Variants in CMIP observed in about 807,000 individuals in gnomAD.
The protein encoded by CMIP is C-Maf-inducing protein.
A neutral mutation model predicts 97.3 loss-of-function variants in CMIP; 13 were observed. That is an observed-to-expected ratio of 0.13 (90% confidence interval 0.09 to 0.21). The LOEUF (loss-of-function observed/expected upper bound fraction) is 0.21, where lower values mean the gene tolerates loss of function less well. CMIP is among the 10% of genes least tolerant of loss of function. The pLI is 1.00. For synonymous variants in CMIP, 538 were observed against 436.3 expected (o/e 1.23, Z -2.91); for missense variants, 847 against 1,024.9 (o/e 0.83, Z 2.37).
chr16:81,446,117 C>G (rs544602616), intron 1 of CMIP, among the ~76,000 whole-genome samples: 1 of 152,114 alleles, frequency 6.6e-6, no homozygotes, highest in Non-Finnish European at 1.5e-5. Flanking sequence ...CTGAAAATCT[C>G]ATTCGCACAT....
chr16:81,709,598 C>T (rs1465230095), intron 20 of CMIP, 148 bp from the exon 21 acceptor site: 2 of 799,910 alleles, frequency 2.5e-6, no homozygotes, highest in South Asian at 1.7e-5. Context: ...AGGCCACCCA[C>T]CCCTCCAAGA....
chr16:81,692,276 A>T (rs1431945227), intron 11 of CMIP, among the ~76,000 whole-genome samples: 1 of 152,198 alleles, frequency 6.6e-6, no homozygotes, highest in Non-Finnish European at 1.5e-5. Context: ...GAGATGCTGG[A>T]AGCGCTCTAA....
intron 16 of CMIP, 92 bp downstream of exon 16, chr16:81,701,892 T>G (rs899756216): frequency 4.5e-5 from 67 of 1,486,684 alleles, no homozygotes; most frequent in Non-Finnish European, 4.9e-5. Flanking sequence ...TGGACCTGAG[T>G]GGACCTCAAT....
At chr16:81,484,373 G>A (rs193172399) in intron 1 of CMIP, among the ~76,000 whole-genome samples, 1 of 152,342 alleles carries the variant, frequency 6.6e-6, no homozygotes, top group East Asian at 1.9e-4. Context: ...GGCTCTGGCC[G>A]AGGTTTGGGA....
chr16:81,454,398 G>A (rs1183444032), intron 1 of CMIP, among the ~76,000 whole-genome samples: 2 of 152,156 alleles, frequency 1.3e-5, no homozygotes. Flanking sequence ...ATATGCACCT[G>A]GTAGATGCAC....
chr16:81,654,986 T>A (rs1022964987), intron 4 of CMIP, among the ~76,000 whole-genome samples: 3 of 152,196 alleles, frequency 2.0e-5, no homozygotes, highest in African/African-American at 7.2e-5. Context: ...CCAGTTGTTT[T>A]CTGTAAATTG....
At chr16:81,656,810 C>T (rs1324561280) in intron 4 of CMIP, among the ~76,000 whole-genome samples, 4 of 151,968 alleles carry the variant, frequency 2.6e-5, no homozygotes, top group African/African-American at 7.3e-5. Context: ...TTTGTAGAGA[C>T]GGGGTTTCAC....
chr16:81,671,732 C>G (rs888441501), intron 8 of CMIP, among the ~76,000 whole-genome samples: 1 of 152,202 alleles, frequency 6.6e-6, no homozygotes, highest in Non-Finnish European at 1.5e-5. Context: ...ACCCGGGAAC[C>G]CTGGATCCGG....
intron 1 of CMIP, among the ~76,000 whole-genome samples, chr16:81,606,758 G>C (rs1567606972): frequency 6.6e-6 from 1 of 152,126 alleles, no homozygotes; most frequent in Non-Finnish European, 1.5e-5. Flanking sequence ...AAATAAATAG[G>C]GTGTGGTGAG....
chr16:81,446,440 G>C (rs1185051338), intron 1 of CMIP, among the ~76,000 whole-genome samples: 1 of 151,994 alleles, frequency 6.6e-6, no homozygotes, highest in Non-Finnish European at 1.5e-5. Context: ...AGGGGAGAGT[G>C]GGGGTGGCGG....
intron 1 of CMIP, among the ~76,000 whole-genome samples, chr16:81,540,137 A>T (rs2090421466): frequency 6.6e-6 from 1 of 152,184 alleles, no homozygotes; most frequent in African/African-American, 2.4e-5. Context: ...ATCCATCCAA[A>T]CGGAAAGACG....
chr16:81,555,542 C>T (rs530858749), intron 1 of CMIP, among the ~76,000 whole-genome samples: 1 of 152,342 alleles, frequency 6.6e-6, no homozygotes, highest in East Asian at 1.9e-4. Flanking sequence ...CAGCTCAGCA[C>T]ATACACTGTC....
chr16:81,574,676 C>T (rs2091158208), intron 1 of CMIP, among the ~76,000 whole-genome samples: 1 of 152,172 alleles, frequency 6.6e-6, no homozygotes, highest in Admixed American at 6.5e-5. Context: ...TCTTCCACTT[C>T]TGAGTAGGTT....
chr16:81,593,721 C>G (rs2091501726), intron 1 of CMIP, among the ~76,000 whole-genome samples: 1 of 152,196 alleles, frequency 6.6e-6, no homozygotes, highest in South Asian at 2.1e-4. Flanking sequence ...CCTCGCCTCA[C>G]CCGGTGCCTG....
intron 3 of CMIP, among the ~76,000 whole-genome samples, chr16:81,632,966 G>C (rs1294900531): frequency 6.6e-6 from 1 of 152,126 alleles, no homozygotes; most frequent in South Asian, 2.1e-4. Flanking sequence ...AGTGGCGTTT[G>C]TGGGTTGTCA....
At chr16:81,685,230 C>G (rs1303101994) in intron 10 of CMIP, among the ~76,000 whole-genome samples, 1 of 152,216 alleles carries the variant, frequency 6.6e-6, no homozygotes, top group African/African-American at 2.4e-5. Flanking sequence ...ATGCACCCCT[C>G]TCGGTCTTGT....
At chr16:81,486,674 C>T (rs1450518636) in intron 1 of CMIP, among the ~76,000 whole-genome samples, 1 of 152,220 alleles carries the variant, frequency 6.6e-6, no homozygotes, top group African/African-American at 2.4e-5. Context: ...GAGCCAGACT[C>T]CCCAGGAACT....
chr16:81,607,156 G>C (rs898677722), intron 1 of CMIP, among the ~76,000 whole-genome samples: 2 of 152,238 alleles, frequency 1.3e-5, no homozygotes, highest in African/African-American at 4.8e-5. Flanking sequence ...GCCGAGTGGA[G>C]GATGCATATC....
chr16:81,465,100 T>C (rs1345357167), intron 1 of CMIP, among the ~76,000 whole-genome samples: 8 of 152,204 alleles, frequency 5.3e-5, no homozygotes, highest in African/African-American at 1.9e-4. Context: ...TTAAAGATGT[T>C]CACCCCCCTT....
Sources: allele counts gnomAD v4.1 joint callset (sites outside exome capture counted in the v4.1 genomes callset), GRCh38; gene constraint gnomAD v4.1.1; transcripts MANE v1.5; gene names NCBI Gene and HGNC (gene_info 2026-07-23, HGNC 2026-07-21).